The following HMX1 variants were observed in gnomAD, a reference collection of about 807,000 sequenced individuals.
HMX1 encodes the protein homeobox protein HMX1.
In HMX1, 8 loss-of-function variants were observed where a neutral mutation model predicts 8.9. The observed-to-expected ratio is 0.90, with a 90% confidence interval of 0.53 to 1.63. The LOEUF is 1.63. Among genes scored for constraint, HMX1 ranks in the 40% most tolerant of loss-of-function variants. HMX1 has a pLI of 0.00. For synonymous variants in HMX1, 311 were observed against 283.4 expected (o/e 1.10, Z -0.98); for missense variants, 621 against 558.5 (o/e 1.11, Z -1.13).
intron 1 of HMX1, among the ~76,000 whole-genome samples, chr4:8,859,297 A>T (rs964686276): frequency 6.6e-6 from 1 of 151,980 alleles, no homozygotes; most frequent in Admixed American, 6.5e-5. Context: ...CAAACTCATA[A>T]TGTCAGCACC....
chr4:8,850,808 T>A (rs1408231440), intron 1 of HMX1, among the ~76,000 whole-genome samples: 2 of 152,072 alleles, frequency 1.3e-5, no homozygotes, highest in African/African-American at 2.4e-5. Flanking sequence ...GGATCCGGCA[T>A]CTCTCCTGCT....
At chr4:8,860,225 T>C (rs1016196299) in intron 1 of HMX1, among the ~76,000 whole-genome samples, 14 of 152,164 alleles carry the variant, frequency 9.2e-5, no homozygotes, top group Non-Finnish European at 2.1e-4. Flanking sequence ...CCCCTGGCCT[T>C]TCCTATACCC....
chr4:8,851,813 C>T (rs531765268), intron 1 of HMX1, among the ~76,000 whole-genome samples: 1 of 152,362 alleles, frequency 6.6e-6, no homozygotes, highest in African/African-American at 2.4e-5. Context: ...GCTTCCCTGA[C>T]ATCCTGGAAA....
Position 8,852,006 on chromosome 4 carries a change from G to C in HMX1, c.395-5682C>G, listed in dbSNP as rs544073586. ...CCATAAAGGGCTCAAGCTGGTTCCC[G>C]GGCAGGCAGCCCCTCTCGTCCCTAG... On this transcript the variant is annotated intron_variant, in intron 1 of 1. Transcript: ENST00000506970. Among the ~76,000 whole-genome samples the C allele has an allele frequency of 4.6e-5, 7 of 152,352 alleles. No individual in the cohort carries two copies. In the East Asian group the frequency reaches 1.2e-3, roughly 25 times the overall value.
Position 8,867,901 on chromosome 4 carries a change from A to C in HMX1, c.839T>G (p.Val280Gly), listed in dbSNP as rs1722065347. 7.2e-7 allele frequency: 1 copy of C among 1,397,888 alleles called. No homozygotes were observed. Among genetic ancestry groups the C allele is most frequent in the Non-Finnish European group, 9.3e-7 (1 of 1,073,716 alleles). 86.6% of individuals were successfully genotyped at this position (1,397,888 alleles called of 1,614,324 possible). A position where few individuals can be genotyped will look rare whatever the true frequency, so the allele number is the denominator to read the frequency against. ...TTCGTGGTAGAGCACCGGCACGCGG[A>C]CCAGGCGCTGCGCTCCCGGCGGGGA... ...SLSPPGAQRL[V>G]RVPVLYHESP... is the part of the protein sequence containing the mutation. Residue 280 changes from valine (V) to glycine (G), a missense_variant, in exon 2 of 2, where the codon GTC becomes GGC. Val to Gly is a moderately radical substitution (Grantham distance 109, BLOSUM62 -3). Transcript: ENST00000400677.
rs1408148695 is a variant in HMX1 at position 8,853,062 on chromosome 4, G to A, written c.395-6738C>T. On this transcript the variant is annotated intron_variant, in intron 1 of 1. Transcript: ENST00000506970. The surrounding 1 kb of genome is among the most constrained non-coding windows in gnomAD (Gnocchi z 4.7). ...AGCCCTGGGCTGCCCACCTCCCACT[G>A]TGGTCAGTGCCCTGTCAGCAGCCAA... Among the ~76,000 whole-genome samples the A allele has an allele frequency of 6.6e-6, 1 of 151,914 alleles. No individual in the cohort carries two copies. The highest frequency in any genetic ancestry group is 2.4e-5 in the African/African-American group (1 of 41,366).
At chr4:8,852,273 G>A (rs1721476593) in intron 1 of HMX1, among the ~76,000 whole-genome samples, 1 of 152,260 alleles carries the variant, frequency 6.6e-6, no homozygotes, top group East Asian at 1.9e-4. Context: ...CGCGGCTGCA[G>A]GGAGGTGTCG....
Position 8,867,968 on chromosome 4 carries a change from A to G in HMX1, c.772T>C (p.Trp258Arg). 3 of 1,528,454 alleles carry G rather than the reference A, an allele frequency of 2.0e-6. No homozygotes were observed. The highest frequency in any genetic ancestry group is 2.6e-5 in the East Asian group (1 of 37,848). The allele number at this position is 1,528,454 out of a possible 1,614,324, so 94.7% of individuals were successfully genotyped here. The part of the protein sequence containing the change: ...KIWFQNRRNK[W>R]KRQLAAELEA... ...AGCTCGGCTGCCAGCTGCCGCTTCCACTTGTTGCGGCGGTTCTGGAACCAG... is the reference window on the plus strand; with the variant it reads ...AGCTCGGCTGCCAGCTGCCGCTTCCGCTTGTTGCGGCGGTTCTGGAACCAG... Residue 258 changes from tryptophan to arginine, a missense_variant, in exon 2 of 2, where the codon TGG becomes CGG. Transcript: ENST00000400677.
downstream of HMX1, among the ~76,000 whole-genome samples, chr4:8,865,890 G>C (rs918833141): frequency 2.6e-5 from 4 of 152,240 alleles, no homozygotes; most frequent in African/African-American, 9.6e-5. Flanking sequence ...ACACAAGCCT[G>C]GGAAGGGCTG....
Position 8,853,930 on chromosome 4 carries a change from T to A in HMX1, c.395-7606A>T, listed in dbSNP as rs1280532602. On this transcript the variant is annotated intron_variant, in intron 1 of 1. Coordinates refer to the HMX1 transcript ENST00000506970. The surrounding 1 kb of genome is among the most constrained non-coding windows in gnomAD (Gnocchi z 4.7). ...TCAGATAAAAATGTATGAGTATTTT[T>A]AATCTTTTTATAAAGCTTTTTGCTT... 6.6e-6 allele frequency among the ~76,000 whole-genome samples: 1 copy of A among 152,240 alleles called. No homozygotes were observed. Among genetic ancestry groups the A allele is most frequent in the Non-Finnish European group, 1.5e-5 (1 of 68,034 alleles).
chr4:8,861,445 G>C (rs1000620669), intron 1 of HMX1, among the ~76,000 whole-genome samples: 10 of 152,214 alleles, frequency 6.6e-5, no homozygotes, highest in Non-Finnish European at 1.3e-4. Context: ...GTCAGAAGTA[G>C]GGAGAATCAC....
downstream of HMX1, among the ~76,000 whole-genome samples, chr4:8,862,975 G>C (rs1050567729): frequency 6.6e-6 from 1 of 152,208 alleles, no homozygotes; most frequent in Non-Finnish European, 1.5e-5. Context: ...CTCCAGGGCA[G>C]TCATTCATTG....
Position 8,868,435 on chromosome 4 carries a change from C to T in HMX1, c.395-90G>A, listed in dbSNP as rs1031449305. Reference sequence around the variant, plus strand: ...GCCAGCCGTCCCCACCTTGAGGTCGCTCACAGCCACAAGCAGGAAGACCTT... The same window carrying T: ...GCCAGCCGTCCCCACCTTGAGGTCGTTCACAGCCACAAGCAGGAAGACCTT... On this transcript the variant is annotated intron_variant, in intron 1 of 1. Coordinates refer to ENST00000400677, the MANE Select transcript of HMX1 (RefSeq NM_018942.3). The surrounding 1 kb of genome is among the most constrained non-coding windows in gnomAD (Gnocchi z 4.6). The T allele has an allele frequency of 1.3e-5, 13 of 1,018,270 alleles. No homozygotes were observed. The Admixed American group carries it at 2.2e-4, about 17-fold the overall frequency. The allele number at this position is 1,018,270 out of a possible 1,614,324, so 63.1% of individuals were successfully genotyped here. A position where few individuals can be genotyped will look rare whatever the true frequency, so the allele number is the denominator to read the frequency against.
Position 8,853,072 on chromosome 4 carries a change from C to T in HMX1, c.395-6748G>A, listed in dbSNP as rs1482188294. Among the ~76,000 whole-genome samples the T allele has an allele frequency of 6.6e-6, 1 of 152,092 alleles. No individual in the cohort carries two copies. The highest frequency in any genetic ancestry group is 1.5e-5 in the Non-Finnish European group (1 of 68,020). On this transcript the variant is annotated intron_variant, in intron 1 of 1. Transcript: ENST00000506970. This position sits in a 1 kb window ranked among gnomAD's most constrained non-coding sequence, Gnocchi z 4.7. ...TGCCCACCTCCCACTGTGGTCAGTG[C>T]CCTGTCAGCAGCCAAACACAGATTC...
rs559527818 is a variant in HMX1 at position 8,867,520 on chromosome 4, G to A, written c.*173C>T. Reference sequence around the variant, plus strand: ...GGGCGTCCCATTACATTCTAGAGGCGCTCCCCACAGAAGCTGAGGCCCGCC... The same window carrying A: ...GGGCGTCCCATTACATTCTAGAGGCACTCCCCACAGAAGCTGAGGCCCGCC... On this transcript the variant is annotated 3_prime_UTR_variant, in exon 2 of 2. Transcript: ENST00000400677. 1.1e-5 allele frequency: 13 copies of A among 1,183,942 alleles called. No individual in the cohort carries two copies. Among genetic ancestry groups the A allele is most frequent in the Non-Finnish European group, 1.4e-5 (13 of 957,524 alleles). 73.3% of individuals were successfully genotyped at this position (1,183,942 alleles called of 1,614,324 possible).
rs1369036777 is a variant in HMX1, at chr4:8,871,443, C to T, written c.172G>A (p.Glu58Lys). Residue 58 changes from glutamate to lysine, a missense_variant, in exon 1 of 2, where the codon GAG becomes AAG. Physicochemically the swap from Glu to Lys is moderately conservative, Grantham distance 56. Coordinates refer to ENST00000400677, the MANE Select transcript of HMX1 (RefSeq NM_018942.3). The surrounding 1 kb of genome is among the most constrained non-coding windows in gnomAD (Gnocchi z 4.8). The stretch of plus-strand genomic sequence containing the variant: ...TGTAGCCGTCGCCGCCGCGCCTGCT[C>T]GGCGTCCTCGTCTTCGGGGTCGTCG... ...DDDDPEDEDA[E>K]QARRRRLQRR... is the part of the protein sequence containing the mutation. 6.0e-6 allele frequency: 8 copies of T among 1,331,090 alleles called. No homozygotes were observed. The highest frequency in any genetic ancestry group is 4.7e-5 in the South Asian group (3 of 63,514). The allele number at this position is 1,331,090 out of a possible 1,614,324, so 82.5% of individuals were successfully genotyped here.
chr4:8,868,992 A>G lies in HMX1; in HGVS notation c.395-647T>C, dbSNP rs1722124546. Among the ~76,000 whole-genome samples, 2 of 152,126 alleles carry G rather than the reference A, an allele frequency of 1.3e-5. No homozygotes were observed. On this transcript the variant is annotated intron_variant, in intron 1 of 1. Transcript: ENST00000400677. This position sits in a 1 kb window ranked among gnomAD's most constrained non-coding sequence, Gnocchi z 4.6. ...CCCATCAGGTGAGGCTGTCACCCCCACACCACATACTCCTGTAGCCCTGAC... is the reference window on the plus strand; with the variant it reads ...CCCATCAGGTGAGGCTGTCACCCCCGCACCACATACTCCTGTAGCCCTGAC...
chr4:8,857,685 G>C (rs1028183829), intron 1 of HMX1, among the ~76,000 whole-genome samples: 1 of 152,230 alleles, frequency 6.6e-6, no homozygotes, highest in Non-Finnish European at 1.5e-5. Context: ...CCCTGGGTCT[G>C]AGTCTGGGGG....
chr4:8,866,051 C>T (rs576733349), downstream of HMX1, among the ~76,000 whole-genome samples: 36 of 152,296 alleles, frequency 2.4e-4, no homozygotes, highest in East Asian at 5.4e-3. Flanking sequence ...TGTGGACCTG[C>T]GGGCCCAGAG....
Sources: gnomAD v4.1 joint callset for allele counts (sites outside exome capture counted in the v4.1 genomes callset) on GRCh38, gnomAD v4.1.1 for gene constraint, Gnocchi (gnomAD v3.1) non-coding constraint, MANE v1.5 for transcripts, NCBI Gene and HGNC (gene_info 2026-07-23, HGNC 2026-07-21) for gene names.